RGMA: variants seen among roughly 807,000 people sequenced by gnomAD.
RGMA encodes repulsive guidance molecule BMP co-receptor a, also known as repulsive guidance molecule A.
RGMA carries 10 observed loss-of-function variants against 23.2 expected under a neutral mutation model. The observed-to-expected ratio is 0.43, with a 90% CI of 0.27 to 0.73. The LOEUF (loss-of-function observed/expected upper bound fraction) is 0.73, where lower values mean the gene tolerates loss of function less well. Among genes scored for constraint, RGMA ranks in the 30% least tolerant of loss-of-function variants. The pLI is 0.20. For synonymous variants in RGMA, 308 were observed against 279.3 expected (o/e 1.10, Z -1.03); for missense variants, 547 against 630.5 (o/e 0.87, Z 1.42).
At chr15:93,046,644 A>G (rs545849159) in intron 3 of RGMA, among the ~76,000 whole-genome samples, 1 of 152,280 alleles carries the variant, frequency 6.6e-6, no homozygotes, top group African/African-American at 2.4e-5. Context: ...GAAAGAATGA[A>G]TAGGGCAAAA....
At chr15:93,059,263 A>G (rs1268716413) in intron 2 of RGMA, among the ~76,000 whole-genome samples, 1 of 152,166 alleles carries the variant, frequency 6.6e-6, no homozygotes, top group African/African-American at 2.4e-5. Flanking sequence ...CCGCAGACCC[A>G]TCTGGTCTCA....
intron 1 of RGMA, among the ~76,000 whole-genome samples, chr15:93,084,125 G>C (rs899270479): frequency 1.3e-5 from 2 of 152,186 alleles, no homozygotes; most frequent in African/African-American, 2.4e-5. Context: ...GGGCATTTTT[G>C]TGTGCTCTGA....
intron 2 of RGMA, among the ~76,000 whole-genome samples, chr15:93,058,767 G>A (rs943000683): frequency 6.7e-6 from 1 of 150,338 alleles, no homozygotes; most frequent in Non-Finnish European, 1.5e-5. Context: ...CACACCTCTC[G>A]GATTTCCACA....
chr15:93,073,715 G>A, intron 1 of RGMA: 3 of 1,537,154 alleles, frequency 2.0e-6, no homozygotes, highest in Non-Finnish European at 2.6e-6. Context: ...AGCTACTAAC[G>A]CACCTCGAGG....
At chr15:93,065,871 C>T (rs1596097214) in intron 2 of RGMA, 1 of 736,520 alleles carries the variant, frequency 1.4e-6, no homozygotes. Context: ...GCTCTTTGGG[C>T]TCTACCCCGT....
intron 2 of RGMA, among the ~76,000 whole-genome samples, chr15:93,057,227 C>T (rs937012785): frequency 7.2e-5 from 11 of 152,194 alleles, no homozygotes; most frequent in Non-Finnish European, 7.3e-5. Context: ...ACCTCACTCA[C>T]GCCCAGGGAG....
chr15:93,069,140 C>A (rs1895244789), intron 2 of RGMA, among the ~76,000 whole-genome samples: 1 of 152,054 alleles, frequency 6.6e-6, no homozygotes, highest in Non-Finnish European at 1.5e-5. Context: ...GACGGAGTTT[C>A]ATTCTGTCAC....
At chr15:93,066,445 G>A (rs969190311) in intron 2 of RGMA, 49 of 604,940 alleles carry the variant, frequency 8.1e-5, no homozygotes, top group African/African-American at 6.8e-4. Context: ...CAGGGCTGCC[G>A]CCGGGTTGCC....
intron 2 of RGMA, among the ~76,000 whole-genome samples, chr15:93,056,676 C>G (rs1214390154): frequency 6.6e-6 from 1 of 152,222 alleles, no homozygotes; most frequent in African/African-American, 2.4e-5. Context: ...CTGCCAGCCC[C>G]AGCTCTGGGT....
At chr15:93,082,958 T>G (rs990168309) in intron 1 of RGMA, among the ~76,000 whole-genome samples, 3 of 152,274 alleles carry the variant, frequency 2.0e-5, no homozygotes, top group Non-Finnish European at 4.4e-5. Flanking sequence ...ATCTCAAGTT[T>G]TAAGCCAGAT....
Position 93,045,099 on chromosome 15 carries a change from G to A in RGMA, c.1252C>T (p.Arg418Trp), listed in dbSNP as rs530377295. The change falls in exon 4 of 4, where the codon CGG (arginine) becomes TGG (tryptophan). Residue 418 changes from arginine (R) to tryptophan (W), a missense_variant. Physicochemically the swap from Arg to Trp is moderately radical, Grantham distance 101. Around this residue, in one of 3 missense-constraint regions of RGMA, gnomAD observed 205 missense variants for 204.1 expected, o/e 1.00. Coordinates refer to ENST00000329082, the MANE Select transcript of RGMA (RefSeq NM_020211.3). The surrounding 1 kb of genome is among the most constrained non-coding windows in gnomAD (Gnocchi z 6.9). ...KDKLHLYERT[R>W]DLPGRAAAGL... ...GCAGCCGCCCTGCCTGGCAGGTCCC[G>A]AGTCCTCTCATACAGGTGCAGTTTG... is the stretch of plus-strand genomic sequence containing the variant. 26 of 1,584,004 alleles carry A rather than the reference G, an allele frequency of 1.6e-5. No individual in the cohort carries two copies. The highest frequency in any genetic ancestry group is 3.3e-4 in the Middle Eastern group (2 of 6,024).
At chr15:93,064,313 A>G (rs1052684788) in intron 2 of RGMA, among the ~76,000 whole-genome samples, 1 of 152,240 alleles carries the variant, frequency 6.6e-6, no homozygotes, top group African/African-American at 2.4e-5. Context: ...ATAGGCAGAC[A>G]TAACTTTCCA....
chr15:93,068,631 G>A (rs1895230016), intron 2 of RGMA, among the ~76,000 whole-genome samples: 1 of 152,274 alleles, frequency 6.6e-6, no homozygotes, highest in East Asian at 1.9e-4. Flanking sequence ...TTTTATGTGC[G>A]TGCTCTCCCT....
At position 93,051,937 on chromosome 15, in the gene RGMA, C is replaced by G. The variant is rs550132187; in HGVS notation, c.645+56G>C. 6.8e-5 allele frequency: 102 copies of G among 1,506,506 alleles called. No homozygotes were observed. In the African/African-American group the frequency reaches 1.3e-3, roughly 20 times the overall value. The allele number at this position is 1,506,506 out of a possible 1,614,324, so 93.3% of individuals were successfully genotyped here. On this transcript the variant is annotated intron_variant, in intron 3 of 3. Coordinates refer to ENST00000329082, the MANE Select transcript of RGMA (RefSeq NM_020211.3). ...GGCCCTCTCAGCCTCTCAGTGTCCA[C>G]GCAGGGCAGAGACAAAGGGCAGGGC...
Position 93,044,037 on chromosome 15 carries a change from A to G in RGMA, c.*961T>C, listed in dbSNP as rs1226404421. ...GATGCTCAGAGCTGAGAGTCCTAAG[A>G]CCCTGCTCCTCTCCCCAGACTCCAG... is the stretch of plus-strand genomic sequence containing the variant. On this transcript the variant is annotated 3_prime_UTR_variant, in exon 4 of 4. Transcript: ENST00000329082. 2 of 152,226 alleles carry G rather than the reference A, an allele frequency of 1.3e-5. No homozygotes were observed. The highest frequency in any genetic ancestry group is 2.9e-5 in the Non-Finnish European group (2 of 68,164). The allele number at this position is 152,226 out of a possible 1,614,324, so 9.4% of individuals were successfully genotyped here.
intron 2 of RGMA, chr15:93,065,450 A>G: frequency 2.4e-6 from 1 of 415,894 alleles, no homozygotes; most frequent in Non-Finnish European, 4.5e-6. Context: ...TGAGTCTCAA[A>G]GAAAAGATGA....
At chr15:93,055,712 C>T (rs549863660) in intron 2 of RGMA, among the ~76,000 whole-genome samples, 9 of 152,372 alleles carry the variant, frequency 5.9e-5, no homozygotes, top group Admixed American at 5.9e-4. Context: ...CACACGCTTT[C>T]TCCCTGCCTT....
rs200113920 is a variant in RGMA, at chr15:93,045,332, C to T, written c.1019G>A (p.Arg340His). 1.9e-4 allele frequency: 304 copies of T among 1,611,538 alleles called. 2 individuals are homozygous for T. Among genetic ancestry groups the T allele is most frequent in the Admixed American group, 5.0e-5 (3 of 59,892 alleles). Reference sequence around the variant, plus strand: ...TGCAGGGCTGGCGGCTGCCAGCCTGCGGGCACCGGTGCCCTCAGCATTGGT... The same window carrying T: ...TGCAGGGCTGGCGGCTGCCAGCCTGTGGGCACCGGTGCCCTCAGCATTGGT... ...FHTNAEGTGA[R>H]RLAAASPAPT... The change falls in exon 4 of 4, where the codon CGC (arginine) becomes CAC (histidine). Residue 340 changes from arginine (R) to histidine (H), a missense_variant. This residue lies in a region of RGMA where 205 missense variants were observed against 204.1 expected (regional missense o/e 1.00). Coordinates refer to ENST00000329082, the MANE Select transcript of RGMA (RefSeq NM_020211.3). The surrounding 1 kb of genome is among the most constrained non-coding windows in gnomAD (Gnocchi z 6.9).
At chr15:93,075,403 C>T (rs932834600) in intron 1 of RGMA, among the ~76,000 whole-genome samples, 13 of 152,036 alleles carry the variant, frequency 8.6e-5, no homozygotes, top group African/African-American at 2.4e-4. Flanking sequence ...AAAAAGAACC[C>T]GTCGTCCACA....
Sources: allele counts gnomAD v4.1 joint callset (sites outside exome capture counted in the v4.1 genomes callset), GRCh38; gene constraint gnomAD v4.1.1; regional missense constraint gnomAD v4.1.1; non-coding constraint Gnocchi (gnomAD v3.1); transcripts MANE v1.5; gene names NCBI Gene and HGNC (gene_info 2026-07-23, HGNC 2026-07-21).